The following PRKCE variants were observed in gnomAD, a reference collection of about 807,000 sequenced individuals.
PRKCE encodes protein kinase C epsilon.
Under a neutral mutation model 85.4 loss-of-function variants are expected in PRKCE, and 16 were observed. That is an observed-to-expected ratio of 0.19 (90% confidence interval 0.13 to 0.28). The LOEUF (loss-of-function observed/expected upper bound fraction) is 0.28, where lower values mean the gene tolerates loss of function less well. Among genes scored for constraint, PRKCE ranks in the 10% least tolerant of loss-of-function variants. The pLI, the probability that PRKCE is intolerant of heterozygous loss-of-function variation, is 1.00. For missense variants in PRKCE, 573 were observed against 975.2 expected, an observed-to-expected ratio of 0.59 and a Z score of 5.49; for synonymous variants, 388 against 371.5, an observed-to-expected ratio of 1.04 and a Z score of -0.51.
chr2:46,108,555 G>A (rs1055546875), intron 11 of PRKCE, among the ~76,000 whole-genome samples: 1 of 152,188 alleles, frequency 6.6e-6, no homozygotes, highest in Admixed American at 6.5e-5. Context: ...TGGGTACAAT[G>A]TTCATTGCTC....
intron 2 of PRKCE, among the ~76,000 whole-genome samples, chr2:45,969,174 G>C (rs770367677): frequency 6.6e-6 from 1 of 151,792 alleles, no homozygotes; most frequent in African/African-American, 2.4e-5. Flanking sequence ...TTCAGAGGAC[G>C]TCTCTGCTTC....
intron 10 of PRKCE, among the ~76,000 whole-genome samples, chr2:46,081,393 G>C (rs968056589): frequency 6.6e-6 from 1 of 152,210 alleles, no homozygotes; most frequent in Non-Finnish European, 1.5e-5. Flanking sequence ...TTTCAGGTTA[G>C]TTCAATTCCC....
chr2:46,037,391 C>T (rs1170896116), intron 10 of PRKCE, among the ~76,000 whole-genome samples: 2 of 152,204 alleles, frequency 1.3e-5, no homozygotes, highest in Non-Finnish European at 2.9e-5. Context: ...CAGTCATTAG[C>T]CCTGTGTGAG....
chr2:46,147,961 T>C (rs1676248699), intron 12 of PRKCE, among the ~76,000 whole-genome samples: 1 of 152,220 alleles, frequency 6.6e-6, no homozygotes, highest in Non-Finnish European at 1.5e-5. Flanking sequence ...TCAAGCTGCT[T>C]TGAGAATCTA....
rs903005529 is a variant in PRKCE, at chr2:46,138,917, A to C, written c.1593-6176A>C. On this transcript the variant is annotated intron_variant, in intron 11 of 14. Coordinates refer to ENST00000306156, the MANE Select transcript of PRKCE (RefSeq NM_005400.3). This position sits in a 1 kb window ranked among gnomAD's most constrained non-coding sequence, Gnocchi z 4.2. ...ACACTGGACTCAAGGGAAGCTGAAG[A>C]GCCTGGTTCTTATCACCTTCCTATA... Among the ~76,000 whole-genome samples, 6 of 152,154 alleles carry C rather than the reference A, an allele frequency of 3.9e-5. No individual in the cohort carries two copies. In the East Asian group the frequency reaches 1.2e-3, roughly 29 times the overall value.
intron 1 of PRKCE, among the ~76,000 whole-genome samples, chr2:45,801,741 C>T (rs555844652): frequency 1.3e-5 from 2 of 152,246 alleles, no homozygotes; most frequent in African/African-American, 4.8e-5. Flanking sequence ...CCAGAAAGGA[C>T]GTTCTTCCCT....
intron 2 of PRKCE, among the ~76,000 whole-genome samples, chr2:45,883,514 C>A (rs1426846741): frequency 1.3e-5 from 2 of 152,198 alleles, no homozygotes; most frequent in Non-Finnish European, 1.5e-5. Context: ...GCAGAGCTAC[C>A]CTTCTCCGCA....
At chr2:46,035,575 A>C (rs1334205190) in intron 10 of PRKCE, among the ~76,000 whole-genome samples, 1 of 152,250 alleles carries the variant, frequency 6.6e-6, no homozygotes, top group African/African-American at 2.4e-5. Flanking sequence ...TAGAGGTCTC[A>C]GCTCAAGGAG....
chr2:46,134,914 T>C lies in PRKCE; in HGVS notation c.1593-10179T>C, dbSNP rs555380768. On this transcript the variant is annotated intron_variant, in intron 11 of 14. Coordinates refer to ENST00000306156, the MANE Select transcript of PRKCE (RefSeq NM_005400.3). The stretch of plus-strand genomic sequence containing the variant: ...GGGATCAGGATTTTATCCATGAATA[T>C]TAAGGATAAGAATGTACTTTCATTA... Among the ~76,000 whole-genome samples, 9 of 152,354 alleles carry C rather than the reference T, an allele frequency of 5.9e-5. No individual in the cohort carries two copies. The East Asian group carries it at 1.7e-3, about 29-fold the overall frequency.
chr2:45,732,941 C>T (rs1459596330), intron 1 of PRKCE, among the ~76,000 whole-genome samples: 2 of 152,204 alleles, frequency 1.3e-5, no homozygotes, highest in Non-Finnish European at 2.9e-5. Context: ...CGACGACTTT[C>T]TTTAAAGGAT....
At chr2:45,868,780 T>C (rs969402369) in intron 2 of PRKCE, among the ~76,000 whole-genome samples, 19 of 148,912 alleles carry the variant, frequency 1.3e-4, no homozygotes, top group Non-Finnish European at 3.0e-5. Flanking sequence ...CTACTAAAAA[T>C]ACAAAAAATA....
chr2:45,974,378 C>T (rs186308150), intron 2 of PRKCE, among the ~76,000 whole-genome samples: 17 of 152,228 alleles, frequency 1.1e-4, no homozygotes, highest in African/African-American at 3.9e-4. Flanking sequence ...CCCAGAAGGT[C>T]GGTGATGCCA....
chr2:46,103,486 A>G (rs1671427455), intron 11 of PRKCE, among the ~76,000 whole-genome samples: 1 of 152,210 alleles, frequency 6.6e-6, no homozygotes, highest in Non-Finnish European at 1.5e-5. Flanking sequence ...ACTCATGAAT[A>G]CACACATACA....
intron 10 of PRKCE, among the ~76,000 whole-genome samples, chr2:46,055,955 G>A (rs941632815): frequency 2.6e-5 from 4 of 152,138 alleles, no homozygotes; most frequent in East Asian, 1.9e-4. Flanking sequence ...GAGTCATAGC[G>A]CCCGGCCAGT....
intron 11 of PRKCE, among the ~76,000 whole-genome samples, chr2:46,112,490 TG>T (rs1220529631): frequency 1.8e-4 from 18 of 98,642 alleles, no homozygotes; most frequent in South Asian, 6.2e-4. Flanking sequence ...TTTGTTTTTT[TG>T]GTTTTTTTTT....
chr2:45,811,408 T>C (rs12465186), intron 1 of PRKCE, among the ~76,000 whole-genome samples: 1 of 152,166 alleles, frequency 6.6e-6, no homozygotes, highest in Admixed American at 6.5e-5. Flanking sequence ...AGAGTACTGT[T>C]TGAGCTGGAA....
At chr2:46,021,626 C>G (rs1453758897) in intron 10 of PRKCE, among the ~76,000 whole-genome samples, 1 of 152,184 alleles carries the variant, frequency 6.6e-6, no homozygotes, top group Non-Finnish European at 1.5e-5. Flanking sequence ...AGCAGGTGAT[C>G]TACACATTTC....
intron 11 of PRKCE, among the ~76,000 whole-genome samples, chr2:46,088,457 C>T (rs1669859490): frequency 6.6e-6 from 1 of 152,200 alleles, no homozygotes; most frequent in Non-Finnish European, 1.5e-5. Flanking sequence ...CATTGCTGCA[C>T]CTGCCCCTGT....
intron 11 of PRKCE, among the ~76,000 whole-genome samples, chr2:46,126,698 A>G (rs1673901031): frequency 6.6e-6 from 1 of 152,180 alleles, no homozygotes; most frequent in Admixed American, 6.5e-5. Context: ...AGGACCTAAC[A>G]CAGAACCGGG....
Sources: allele counts gnomAD v4.1 joint callset (sites outside exome capture counted in the v4.1 genomes callset), GRCh38; gene constraint gnomAD v4.1.1; non-coding constraint Gnocchi (gnomAD v3.1); transcripts MANE v1.5; gene names NCBI Gene and HGNC (gene_info 2026-07-23, HGNC 2026-07-21).